Variants in TPM3 observed in about 807,000 individuals in gnomAD.
The protein encoded by TPM3 is tropomyosin alpha-3 chain.
Under a neutral mutation model 43.1 loss-of-function variants are expected in TPM3, and 16 were observed. The ratio of observed to expected loss-of-function variants is 0.37; its 90% CI spans 0.25 to 0.56. TPM3 has a LOEUF of 0.56. Among genes scored for constraint, TPM3 ranks in the 20% least tolerant of loss-of-function variants. The pLI, the probability that TPM3 is intolerant of heterozygous loss-of-function variation, is 0.77. For missense variants in TPM3, 176 were observed against 337.2 expected, an observed-to-expected ratio of 0.52 and a Z score of 3.74; for synonymous variants, 101 against 116.9, an observed-to-expected ratio of 0.86 and a Z score of 0.88.
chr1:154,158,782 C>CAGA (rs1660063395), downstream of TPM3: 1 of 610,072 alleles, frequency 1.6e-6, no homozygotes, highest in African/African-American at 1.8e-5. Flanking sequence ...TCTAAAGGGA[C>CAGA]AGAAACTTCA....
chr1:154,176,381 G>C lies in TPM3; in HGVS notation c.244-133C>G, dbSNP rs2148258296. The C allele has an allele frequency of 1.7e-5, 22 of 1,272,000 alleles. No homozygotes were observed. The South Asian group carries it at 2.8e-4, about 16-fold the overall frequency. 78.8% of individuals were successfully genotyped at this position (1,272,000 alleles called of 1,614,324 possible). ...GCAGGGTAGAACTTGTCTTAGCTCA[G>C]CTGTTAAAAGATCTAGCAGACATAA... On this transcript the variant is annotated intron_variant, in intron 2 of 9. Transcript: ENST00000651641.
downstream of TPM3, among the ~76,000 whole-genome samples, chr1:154,160,838 G>C (rs1464288608): frequency 3.9e-5 from 6 of 152,134 alleles, no homozygotes; most frequent in African/African-American, 1.4e-4. Flanking sequence ...CCAACATGAT[G>C]CTCAAAGAAA....
chr1:154,187,546 A>G, intron 2 of TPM3: 1 of 980,438 alleles, frequency 1.0e-6, no homozygotes, highest in Non-Finnish European at 1.2e-6. Context: ...ACTTCTTTCA[A>G]ATGAATATAC....
downstream of TPM3, chr1:154,155,411 A>T: frequency 3.2e-6 from 1 of 315,010 alleles, no homozygotes. Context: ...TTTTGCAATG[A>T]TTTCCAGTTA....
chr1:154,165,799 AAAAAAAAG>A lies in TPM3; in HGVS notation c.*2130_*2137del, dbSNP rs1258526049. The stretch of plus-strand genomic sequence containing the variant: ...AGTCAAACTCCGTCTCAAAAAAAAA[AAAAAAAAG>A]AAAAAAAGAAAAAAGTTTTAACATG... On this transcript the variant is annotated 3_prime_UTR_variant, in exon 10 of 10. Transcript: ENST00000651641. Among the ~76,000 whole-genome samples, 34 of 151,946 alleles carry A rather than the reference AAAAAAAAG, an allele frequency of 2.2e-4. No individual in the cohort carries two copies. The highest frequency in any genetic ancestry group is 4.3e-4 in the African/African-American group (18 of 41,498).
intron 6 of TPM3, chr1:154,171,210 C>T (rs952815572): frequency 1.1e-5 from 7 of 653,138 alleles, no homozygotes; most frequent in Middle Eastern, 4.1e-4. Flanking sequence ...CTCCAGTAAC[C>T]TGAGACCAAG....
downstream of TPM3, chr1:154,156,807 T>A (rs777102543): frequency 2.0e-5 from 4 of 198,342 alleles, no homozygotes; most frequent in Non-Finnish European, 3.1e-5. Flanking sequence ...GAGTTTCACA[T>A]GGCTAAATCA....
chr1:154,191,524 T>C, intron 1 of TPM3: 1 of 1,286,456 alleles, frequency 7.8e-7, no homozygotes, highest in Non-Finnish European at 1.0e-6. Flanking sequence ...GACCAAGCCA[T>C]CCTGGGTTTT....
intron 2 of TPM3, among the ~76,000 whole-genome samples, chr1:154,186,998 C>T (rs1262372394): frequency 6.6e-6 from 1 of 151,694 alleles, no homozygotes; most frequent in African/African-American, 2.4e-5. Flanking sequence ...TTATTAACCT[C>T]AAGGACAGAA....
At position 154,166,743 on chromosome 1, in the gene TPM3, G is replaced by A. The variant is rs1262644858; in HGVS notation, c.*1194C>T. 1.4e-5 allele frequency: 13 copies of A among 953,378 alleles called. No individual in the cohort carries two copies. The Admixed American group carries it at 3.1e-4, about 23-fold the overall frequency. The allele number at this position is 953,378 out of a possible 1,614,324, so 59.1% of individuals were successfully genotyped here. Reference sequence around the variant, plus strand: ...GTTGCCCAGGCTGGAATGCAGTGGCGCGATCTCCGCTCACTGCAACCTCCG... The same window carrying A: ...GTTGCCCAGGCTGGAATGCAGTGGCACGATCTCCGCTCACTGCAACCTCCG... On this transcript the variant is annotated 3_prime_UTR_variant, in exon 10 of 10. Transcript: ENST00000651641.
Position 154,191,886 on chromosome 1 carries a change from C to T in TPM3, c.117+16G>A. Reference sequence around the variant, plus strand: ...TTGTTCACTAGCAGATGAGAGAGATCAATGCCAGTGCCTACCTGTTTACTT... The same window carrying T: ...TTGTTCACTAGCAGATGAGAGAGATTAATGCCAGTGCCTACCTGTTTACTT... On this transcript the variant is annotated intron_variant, in intron 1 of 9. Coordinates refer to ENST00000651641, the MANE Select transcript of TPM3 (RefSeq NM_152263.4). 1 of 1,609,554 alleles carries T rather than the reference C, an allele frequency of 6.2e-7. No individual in the cohort carries two copies. Among genetic ancestry groups the T allele is most frequent in the Non-Finnish European group, 8.5e-7 (1 of 1,176,772 alleles).
At position 154,191,985 on chromosome 1, in the gene TPM3, G is replaced by A. The variant is rs1663699015; in HGVS notation, c.34C>T (p.Leu12=). The A allele has an allele frequency of 6.2e-7, 1 of 1,613,894 alleles. No homozygotes were observed. Among genetic ancestry groups the A allele is most frequent in the Non-Finnish European group, 8.5e-7 (1 of 1,180,008 alleles). ...AGAGCATTCTCCTTGTCTAACTTCAGCATCTGCATCTTTTTCTTGATGGCC... is the reference window on the plus strand; with the variant it reads ...AGAGCATTCTCCTTGTCTAACTTCAACATCTGCATCTTTTTCTTGATGGCC... The part of the protein sequence containing the change: ...MEAIKKKMQM[L]KLDKENALDR... The change falls in exon 1 of 10, where the codon CTG becomes TTG. Residue 12 remains leucine (L), a synonymous_variant. Transcript: ENST00000651641.
intron 2 of TPM3, chr1:154,183,284 C>A: frequency 6.6e-7 from 1 of 1,508,408 alleles, no homozygotes; most frequent in Non-Finnish European, 8.8e-7. Flanking sequence ...GCCAGGCAGG[C>A]GGGAAGGCAG....
Position 154,191,143 on chromosome 1 carries a change from A to G in TPM3, c.243+43T>C, listed in dbSNP as rs749515681. On this transcript the variant is annotated intron_variant, in intron 2 of 9. Transcript: ENST00000651641. ...TCGTCATACATTAACATAAAGATCT[A>G]TATGTGTAGATTAAACCCATCCTCC... 4 of 1,613,508 alleles carry G rather than the reference A, an allele frequency of 2.5e-6. No individual in the cohort carries two copies. In the African/African-American group the frequency reaches 4.0e-5, roughly 16 times the overall value.
At position 154,167,712 on chromosome 1, in the gene TPM3, C is replaced by T; in HGVS notation, c.*225G>A. The T allele has an allele frequency of 7.1e-7, 1 of 1,405,464 alleles. No homozygotes were observed. Among genetic ancestry groups the T allele is most frequent in the Non-Finnish European group, 9.3e-7 (1 of 1,073,492 alleles). The allele number at this position is 1,405,464 out of a possible 1,614,324, so 87.1% of individuals were successfully genotyped here. A position where few individuals can be genotyped will look rare whatever the true frequency, so the allele number is the denominator to read the frequency against. ...GGCTCCTTCTTAGGGACAGCAACAG[C>T]TTTGTCAATGACACAAATGCAGGGT... On this transcript the variant is annotated 3_prime_UTR_variant, in exon 10 of 10. Coordinates refer to ENST00000651641, the MANE Select transcript of TPM3 (RefSeq NM_152263.4).
At position 154,162,484 on chromosome 1, in the gene TPM3, T is replaced by C. The variant is rs1660489714; in HGVS notation, c.*5453A>G. Among the ~76,000 whole-genome samples, 1 of 151,028 alleles carries C rather than the reference T, an allele frequency of 6.6e-6. No individual in the cohort carries two copies. The highest frequency in any genetic ancestry group is 2.4e-5 in the African/African-American group (1 of 40,822). The stretch of plus-strand genomic sequence containing the variant: ...AGATAAAGCTGCCAAACAGAATAGG[T>C]CTAAGATAAAGCTGCCAAACAGAAT... On this transcript the variant is annotated 3_prime_UTR_variant, in exon 10 of 10. Transcript: ENST00000651641.
downstream of TPM3, chr1:154,158,490 A>T (rs1434700390): frequency 1.1e-5 from 3 of 276,376 alleles, no homozygotes; most frequent in African/African-American, 6.5e-5. Context: ...TTCAACTCAG[A>T]GAAGGTGATG....
intron 3 of TPM3, among the ~76,000 whole-genome samples, chr1:154,174,401 T>TACAC (rs1340159602): frequency 1.9e-5 from 2 of 104,976 alleles, no homozygotes; most frequent in South Asian, 3.4e-4. Flanking sequence ...TATATATATA[T>TACAC]ATATATACAC....
intron 2 of TPM3, 118 bp downstream of exon 2, chr1:154,191,068 T>C (rs939769658): frequency 3.3e-6 from 5 of 1,497,956 alleles, no homozygotes; most frequent in Non-Finnish European, 4.6e-6. Context: ...CAAAAATGTA[T>C]GTGAGTATAT....
Sources: gnomAD v4.1 joint callset for allele counts (sites outside exome capture counted in the v4.1 genomes callset) on GRCh38, gnomAD v4.1.1 for gene constraint, MANE v1.5 for transcripts, NCBI Gene and HGNC (gene_info 2026-07-23, HGNC 2026-07-21) for gene names.